Variants in TDP1 observed in about 807,000 individuals in gnomAD.
TDP1 encodes tyrosyl-DNA phosphodiesterase 1.
TDP1 carries 64 observed loss-of-function variants against 81.5 expected under a neutral mutation model. That is an observed-to-expected ratio of 0.79 (90% CI 0.64 to 0.97). TDP1 has a LOEUF of 0.97. TDP1 is among the 50% of genes least tolerant of loss of function. The probability of loss-of-function intolerance (pLI) is 0.00; values close to 1 mark genes in which losing one functional copy is unlikely to be tolerated. For missense variants in TDP1, 723 were observed against 743.8 expected, an observed-to-expected ratio of 0.97 and a Z score of 0.33; for synonymous variants, 256 against 264.3, an observed-to-expected ratio of 0.97 and a Z score of 0.30.
At chr14:90,007,281 T>G (rs1884142365) in intron 14 of TDP1, among the ~76,000 whole-genome samples, 1 of 152,156 alleles carries the variant, frequency 6.6e-6, no homozygotes, top group Admixed American at 6.5e-5. Flanking sequence ...ATAATTTAAC[T>G]GAATTTAAAA....
At chr14:89,993,284 A>T (rs899703432) in intron 13 of TDP1, 92 bp from the exon 14 acceptor site, 2 of 1,291,758 alleles carry the variant, frequency 1.5e-6, no homozygotes, top group African/African-American at 3.0e-5. Context: ...ATTTTTAGAT[A>T]ATAGGCTCTT....
At chr14:89,986,486 A>G (rs1455551155) in intron 10 of TDP1, among the ~76,000 whole-genome samples, 2 of 152,262 alleles carry the variant, frequency 1.3e-5, no homozygotes, top group African/African-American at 2.4e-5. Context: ...TGGTTTAGAT[A>G]GGCTAGATAA....
At chr14:89,985,098 A>G (rs201358757) in intron 9 of TDP1, 34 bp from the exon 10 acceptor site, 16 of 1,534,600 alleles carry the variant, frequency 1.0e-5, no homozygotes, top group Non-Finnish European at 1.2e-5. Flanking sequence ...GCACATCACT[A>G]TATTTTATAA....
At chr14:89,969,932 A>G (rs1893412149) in intron 5 of TDP1, among the ~76,000 whole-genome samples, 1 of 136,262 alleles carries the variant, frequency 7.3e-6, no homozygotes. Flanking sequence ...GCTGGAGTGC[A>G]GTGGCGGGAT....
intron 7 of TDP1, among the ~76,000 whole-genome samples, chr14:89,977,101 G>C (rs1303506809): frequency 6.6e-6 from 1 of 152,134 alleles, no homozygotes; most frequent in East Asian, 2.0e-4. Context: ...GTTGTGGCGA[G>C]CCAAGATCAT....
chr14:90,013,190 A>C lies in TDP1; in HGVS notation c.1542-6126A>C, dbSNP rs116240136. ...TTTTGAATTAATGCCGAAATGAGTT[A>C]AGACTTTGGGAGGCTGTTGGGAAGG... On this transcript the variant is annotated intron_variant, in intron 14 of 16. Coordinates refer to ENST00000335725, the MANE Select transcript of TDP1 (RefSeq NM_018319.4). Among the ~76,000 whole-genome samples, 965 of 152,314 alleles carry C rather than the reference A, an allele frequency of 6.3e-3. 11 individuals carry two copies. The highest frequency in any genetic ancestry group is 0.023 in the African/African-American group (937 of 41,570).
chr14:90,031,343 GT>G (rs1887263557), intron 15 of TDP1, among the ~76,000 whole-genome samples: 1 of 147,914 alleles, frequency 6.8e-6, no homozygotes, highest in African/African-American at 2.5e-5. Context: ...CCACCTATGA[GT>G]GAGAATATGC....
chr14:90,031,180 C>T (rs1887242285), intron 15 of TDP1, among the ~76,000 whole-genome samples: 1 of 151,600 alleles, frequency 6.6e-6, no homozygotes, highest in Non-Finnish European at 1.5e-5. Flanking sequence ...CATATGTATA[C>T]ATGTGCCATG....
chr14:89,992,355 G>C (rs1896288628), intron 13 of TDP1, among the ~76,000 whole-genome samples: 1 of 152,112 alleles, frequency 6.6e-6, no homozygotes, highest in Non-Finnish European at 1.5e-5. Flanking sequence ...GCTTGTTGAG[G>C]GCAGATTCTT....
At chr14:90,017,460 C>G (rs1206927770) in intron 14 of TDP1, among the ~76,000 whole-genome samples, 2 of 152,144 alleles carry the variant, frequency 1.3e-5, no homozygotes, top group African/African-American at 4.8e-5. Flanking sequence ...AAATCTGTTA[C>G]AAGCCAAATA....
chr14:89,987,355 G>A (rs1371585340), intron 10 of TDP1, among the ~76,000 whole-genome samples: 1 of 152,158 alleles, frequency 6.6e-6, no homozygotes, highest in African/African-American at 2.4e-5. Context: ...TATAAAGAAA[G>A]TGACTTTAAA....
In TDP1 at chr14:89,980,582, C is replaced by T. The variant is rs377532827; in HGVS notation, c.834C>T (p.Val278=). Residue 278 remains valine, a synonymous_variant, in exon 8 of 17, where the codon GTC becomes GTT. Transcript: ENST00000335725. ...LLLYEEGLRV[V]IHTSNLIHAD... is the part of the protein sequence containing the mutation. ...TCTATGAAGAAGGCCTCCGGGTTGT[C>T]ATACACACCTCCAACCTCATCCATG... 1.2e-6 allele frequency: 2 copies of T among 1,614,002 alleles called. No individual in the cohort carries two copies. Among genetic ancestry groups the T allele is most frequent in the African/African-American group, 2.7e-5 (2 of 74,888 alleles).
intron 16 of TDP1, among the ~76,000 whole-genome samples, chr14:90,041,683 G>A (rs1001322765): frequency 1.3e-4 from 20 of 152,194 alleles, no homozygotes; most frequent in Non-Finnish European, 2.5e-4. Flanking sequence ...TTTACAATGT[G>A]CATTCTAGCC....
chr14:89,998,880 T>C (rs1896955011), intron 14 of TDP1, among the ~76,000 whole-genome samples: 1 of 152,124 alleles, frequency 6.6e-6, no homozygotes, highest in Non-Finnish European at 1.5e-5. Context: ...CTTTCAGATA[T>C]TACCGTTTCT....
At chr14:89,983,344 T>C (rs532888363) in intron 8 of TDP1, 2 of 275,984 alleles carry the variant, frequency 7.2e-6, no homozygotes, top group South Asian at 6.3e-5. Flanking sequence ...TGCTACCTCC[T>C]GTGCTAAGTG....
intron 7 of TDP1, among the ~76,000 whole-genome samples, chr14:89,979,119 A>C (rs1894682421): frequency 6.6e-6 from 1 of 152,184 alleles, no homozygotes; most frequent in African/African-American, 2.4e-5. Context: ...ATGATAAAAT[A>C]AGTCAAGACA....
At chr14:90,026,434 A>T (rs1886662554) in intron 15 of TDP1, among the ~76,000 whole-genome samples, 1 of 152,180 alleles carries the variant, frequency 6.6e-6, no homozygotes, top group Non-Finnish European at 1.5e-5. Context: ...CACATCCTAT[A>T]CCATCTGCCC....
At chr14:89,999,607 A>T (rs184875268) in intron 14 of TDP1, among the ~76,000 whole-genome samples, 4 of 152,378 alleles carry the variant, frequency 2.6e-5, no homozygotes, top group Admixed American at 2.6e-4. Flanking sequence ...TTCCCCAGAA[A>T]AAAATTATAG....
At chr14:89,975,608 C>A in intron 6 of TDP1, 173 bp from the exon 7 acceptor site, 1 of 395,652 alleles carries the variant, frequency 2.5e-6, no homozygotes, top group Non-Finnish European at 3.3e-6. Context: ...TTTTAATGAG[C>A]GTCCCCAGAT....
Sources: gnomAD v4.1 joint callset for allele counts (sites outside exome capture counted in the v4.1 genomes callset) on GRCh38, gnomAD v4.1.1 for gene constraint, MANE v1.5 for transcripts, NCBI Gene and HGNC (gene_info 2026-07-23, HGNC 2026-07-21) for gene names.